Variants in CDH13 observed in about 807,000 individuals in gnomAD.
The protein encoded by CDH13 is cadherin-13.
CDH13 carries 24 observed loss-of-function variants against 63.8 expected under a neutral mutation model. That is an observed-to-expected ratio of 0.38 (90% CI 0.27 to 0.53). The LOEUF (loss-of-function observed/expected upper bound fraction) is 0.53. Ranked by LOEUF, CDH13 falls within the 20% of genes least tolerant of loss-of-function variation. The pLI is 0.85. For missense variants in CDH13, 1,049 were observed against 903.1 expected, an observed-to-expected ratio of 1.16 and a Z score of -2.07; for synonymous variants, 503 against 355.3, an observed-to-expected ratio of 1.42 and a Z score of -4.67.
chr16:83,146,426 C>T (rs1320851444), intron 4 of CDH13, among the ~76,000 whole-genome samples: 1 of 152,096 alleles, frequency 6.6e-6, no homozygotes, highest in Admixed American at 6.5e-5. Context: ...CATGTCAGGA[C>T]CAGCATCTCT....
intron 4 of CDH13, among the ~76,000 whole-genome samples, chr16:83,142,125 C>T (rs1002459929): frequency 2.0e-5 from 3 of 151,736 alleles, no homozygotes; most frequent in Non-Finnish European, 2.9e-5. Flanking sequence ...ATTAAGTTGT[C>T]CCTGTGCCTG....
chr16:83,696,114 C>G (rs753918656), intron 10 of CDH13, among the ~76,000 whole-genome samples: 3 of 152,126 alleles, frequency 2.0e-5, no homozygotes, highest in African/African-American at 7.2e-5. Flanking sequence ...GGTTCTCAAA[C>G]TCCTGGGCTC....
At chr16:82,842,488 G>A (rs1054943354) in intron 1 of CDH13, among the ~76,000 whole-genome samples, 1 of 151,960 alleles carries the variant, frequency 6.6e-6, no homozygotes, top group Non-Finnish European at 1.5e-5. Context: ...CTAAATGGGA[G>A]TTGTCCAGAA....
chr16:82,740,110 C>A (rs1029593119), intron 1 of CDH13, among the ~76,000 whole-genome samples: 1 of 152,186 alleles, frequency 6.6e-6, no homozygotes, highest in African/African-American at 2.4e-5. Flanking sequence ...ACAGCTTACT[C>A]ATAAGACTGA....
In CDH13 at chr16:83,783,372, A is replaced by C. The variant is rs1915663426; in HGVS notation, c.2034A>C (p.Gln678His). The C allele has an allele frequency of 1.9e-6, 3 of 1,613,880 alleles. No individual in the cohort carries two copies. The highest frequency in any genetic ancestry group is 3.3e-5 in the Admixed American group (2 of 59,996). ...PMTNITDLRV[Q>H]VCSCRNSKVD... ...CGAATATCACAGATCTCAGGGTACA[A>C]GTGTGCTCCTGCAGGAATTCCAAAG... The change falls in exon 13 of 14, where the codon CAA becomes CAC. Residue 678 changes from glutamine (Q) to histidine (H), a missense_variant. Physicochemically the swap from Gln to His is conservative, Grantham distance 24. Coordinates refer to ENST00000567109, the MANE Select transcript of CDH13 (RefSeq NM_001257.5).
At chr16:82,966,217 C>T (rs939304904) in intron 2 of CDH13, among the ~76,000 whole-genome samples, 28 of 152,152 alleles carry the variant, frequency 1.8e-4, no homozygotes, top group Admixed American at 1.3e-4. Context: ...GGTGCGATCT[C>T]GGCCCATGGC....
chr16:83,320,755 C>T (rs550341896), intron 5 of CDH13, among the ~76,000 whole-genome samples: 14 of 152,122 alleles, frequency 9.2e-5, no homozygotes, highest in African/African-American at 1.9e-4. Flanking sequence ...GTAGACCAAG[C>T]GCAAGGAATG....
At chr16:83,263,220 A>G (rs1185409165) in intron 5 of CDH13, among the ~76,000 whole-genome samples, 11 of 152,236 alleles carry the variant, frequency 7.2e-5, no homozygotes, top group Admixed American at 7.2e-4. Flanking sequence ...AAGTTCTCAG[A>G]TGGGAAACAA....
chr16:82,838,021 C>G (rs977369939), intron 1 of CDH13, among the ~76,000 whole-genome samples: 1 of 152,200 alleles, frequency 6.6e-6, no homozygotes, highest in Admixed American at 6.5e-5. Flanking sequence ...TCTCTGGCTT[C>G]ATCCCCAGTA....
chr16:83,397,841 A>G (rs1028897327), intron 6 of CDH13: 3 of 152,176 alleles, frequency 2.0e-5, no homozygotes, highest in African/African-American at 7.2e-5. Flanking sequence ...GTCCATATTC[A>G]TAGAGCTAAA....
At chr16:83,281,112 G>A (rs2089158076) in intron 5 of CDH13, among the ~76,000 whole-genome samples, 1 of 152,120 alleles carries the variant, frequency 6.6e-6, no homozygotes, top group Non-Finnish European at 1.5e-5. Flanking sequence ...GTCCTACACG[G>A]CATCTTCTTT....
At chr16:83,692,803 G>T (rs1209489657) in intron 10 of CDH13, among the ~76,000 whole-genome samples, 2 of 152,202 alleles carry the variant, frequency 1.3e-5, no homozygotes, top group Non-Finnish European at 2.9e-5. Context: ...CACATAGCCG[G>T]CTGGGCACGG....
chr16:83,158,462 G>A (rs1196513057), intron 4 of CDH13, among the ~76,000 whole-genome samples: 3 of 152,218 alleles, frequency 2.0e-5, no homozygotes, highest in East Asian at 3.9e-4. Context: ...AGGGAGCCCA[G>A]GCTCACGTGT....
At chr16:83,215,513 A>C (rs1597531981) in intron 4 of CDH13, among the ~76,000 whole-genome samples, 1 of 141,796 alleles carries the variant, frequency 7.1e-6, no homozygotes, top group Admixed American at 7.1e-5. Context: ...AAAAAAAAAA[A>C]CCTGTAATGC....
chr16:83,494,573 A>G (rs1287207755), intron 7 of CDH13, among the ~76,000 whole-genome samples: 1 of 152,170 alleles, frequency 6.6e-6, no homozygotes, highest in East Asian at 1.9e-4. Context: ...AAGTTGGTTG[A>G]GAGTTTTTGG....
chr16:82,705,270 G>C, intron 1 of CDH13: 2 of 416,258 alleles, frequency 4.8e-6, no homozygotes, highest in Non-Finnish European at 9.4e-6. Context: ...GACCACGTTG[G>C]ACAGGTGAGA....
At chr16:82,693,066 G>C (rs1258159761) in intron 1 of CDH13, among the ~76,000 whole-genome samples, 4 of 152,158 alleles carry the variant, frequency 2.6e-5, no homozygotes, top group Non-Finnish European at 5.9e-5. Context: ...CAAGGAGCTG[G>C]GGGTGGCCTC....
intron 10 of CDH13, among the ~76,000 whole-genome samples, chr16:83,730,639 T>C (rs1240355734): frequency 6.6e-6 from 1 of 152,216 alleles, no homozygotes; most frequent in East Asian, 1.9e-4. Context: ...TTGTTTGTTT[T>C]TGTTTTGTTT....
At chr16:83,219,292 G>A (rs1274816551) in intron 5 of CDH13, among the ~76,000 whole-genome samples, 1 of 132,242 alleles carries the variant, frequency 7.6e-6, no homozygotes, top group Admixed American at 8.2e-5. Flanking sequence ...AGCTTCGGTT[G>A]CAGCTTGGAG....
Sources: allele counts gnomAD v4.1 joint callset (sites outside exome capture counted in the v4.1 genomes callset), GRCh38; gene constraint gnomAD v4.1.1; transcripts MANE v1.5; gene names NCBI Gene and HGNC (gene_info 2026-07-23, HGNC 2026-07-21).